Variants in TEX11 observed in about 807,000 individuals in gnomAD.
TEX11 encodes the protein testis expressed 11, also known as testis-expressed protein 11.
Under a neutral mutation model 84.4 loss-of-function variants are expected in TEX11, and 7 were observed. The ratio of observed to expected loss-of-function variants is 0.08; its 90% CI spans 0.05 to 0.16. TEX11 has a LOEUF of 0.16. TEX11 is among the 10% of genes least tolerant of loss of function. TEX11 has a pLI of 1.00. For synonymous variants in TEX11, 264 were observed against 222.8 expected (o/e 1.18, Z -1.64); for missense variants, 551 against 660.5 (o/e 0.83, Z 1.82).
chrX:70,684,422 C>T (rs780534972), intron 13 of TEX11, among the ~76,000 whole-genome samples: 5 of 111,521 alleles, frequency 4.5e-5, no homozygotes, highest in African/African-American at 1.6e-4. Context: ...CCTGTCTCTG[C>T]TAAAAATGCA....
intron 18 of TEX11, among the ~76,000 whole-genome samples, chrX:70,625,897 G>A (rs1356461000): frequency 5.5e-5 from 6 of 108,334 alleles, no homozygotes; most frequent in Admixed American, 3.0e-4. Context: ...ACAGGCACCC[G>A]CCACTACGCC....
At chrX:70,605,298 A>G in intron 24 of TEX11, 103 bp downstream of exon 24, 1 of 511,842 alleles carries the variant, frequency 2.0e-6, no homozygotes, top group East Asian at 3.7e-5. Flanking sequence ...TGGAGTGGAG[A>G]AAAGGATTCT....
At chrX:70,729,370 G>T (rs1007870831) in intron 11 of TEX11, among the ~76,000 whole-genome samples, 1 of 111,685 alleles carries the variant, frequency 9.0e-6, no homozygotes, top group Non-Finnish European at 1.9e-5. Flanking sequence ...CAAGCTAAAG[G>T]AGGAAGTTCG....
chrX:70,630,619 G>A (rs376918852), intron 17 of TEX11, among the ~76,000 whole-genome samples: 202 of 111,079 alleles, frequency 1.8e-3, no homozygotes, highest in African/African-American at 4.7e-3. Flanking sequence ...AAGAGCAAAT[G>A]GGACAAACAG....
At chrX:70,520,377 C>T in the TEX11 span, among the ~76,000 whole-genome samples, 3 of 112,452 alleles carry the variant, frequency 2.7e-5, no homozygotes, top group Non-Finnish European at 5.6e-5. Flanking sequence ...AGTCAGGTCC[C>T]TCAGCTGCAG....
At chrX:70,634,308 T>C (rs1014812454) in intron 17 of TEX11, among the ~76,000 whole-genome samples, 2 of 112,137 alleles carry the variant, frequency 1.8e-5, no homozygotes, top group Non-Finnish European at 3.8e-5. Flanking sequence ...AGCTGATCTA[T>C]AGATTCAATG....
chrX:70,820,854 C>T (rs756784646), intron 8 of TEX11, among the ~76,000 whole-genome samples: 1 of 111,505 alleles, frequency 9.0e-6, no homozygotes, highest in South Asian at 3.8e-4. Flanking sequence ...TTCTGAGGGA[C>T]AAATATCCAA....
At chrX:70,708,796 G>T (rs747692926) in intron 13 of TEX11, among the ~76,000 whole-genome samples, 2 of 110,266 alleles carry the variant, frequency 1.8e-5, no homozygotes, top group Non-Finnish European at 3.8e-5. Flanking sequence ...GACTAGTAGA[G>T]GGGGGAGAGG....
intron 21 of TEX11, among the ~76,000 whole-genome samples, chrX:70,609,559 C>A (rs1038526933): frequency 1.8e-5 from 2 of 112,184 alleles, no homozygotes; most frequent in African/African-American, 6.5e-5. Flanking sequence ...ATTTACTGAG[C>A]CAGCAAGCTC....
chrX:70,657,316 A>G (rs2089877448), intron 16 of TEX11, among the ~76,000 whole-genome samples: 1 of 111,020 alleles, frequency 9.0e-6, no homozygotes, highest in Middle Eastern at 4.6e-3. Flanking sequence ...AAACCAAACC[A>G]AAAACAAAAA....
intron 2 of TEX11, among the ~76,000 whole-genome samples, chrX:70,889,817 C>G (rs1361076107): frequency 7.2e-5 from 8 of 111,120 alleles, no homozygotes; most frequent in Non-Finnish European, 1.5e-4. Flanking sequence ...AAGCAAGAAA[C>G]TAAATCATAT....
At chrX:70,615,089 C>T (rs2089303352) in intron 20 of TEX11, among the ~76,000 whole-genome samples, 1 of 110,311 alleles carries the variant, frequency 9.1e-6, no homozygotes, top group Non-Finnish European at 1.9e-5. Context: ...TACAAATAAG[C>T]CCAGAATGCA....
intron 3 of TEX11, among the ~76,000 whole-genome samples, chrX:70,873,714 C>T (rs113992981): frequency 0.021 from 2,297 of 111,682 alleles, 44 homozygotes; most frequent in African/African-American, 0.07. Context: ...AATTATATTA[C>T]TTTGTATCAT....
chrX:70,833,372 C>T (rs2091388260), intron 8 of TEX11, 141 bp downstream of exon 8: 1 of 457,702 alleles, frequency 2.2e-6, no homozygotes, highest in Non-Finnish European at 3.7e-6. Context: ...ACAAAGGAAG[C>T]AAAATATTTC....
chrX:70,752,831 C>T (rs887504447), intron 9 of TEX11, among the ~76,000 whole-genome samples: 1 of 110,723 alleles, frequency 9.0e-6, no homozygotes, highest in Non-Finnish European at 1.9e-5. Context: ...AGTCTTGAAT[C>T]GCAGAAGCCA....
intron 16 of TEX11, among the ~76,000 whole-genome samples, chrX:70,660,480 C>T (rs1220273204): frequency 9.0e-6 from 1 of 111,582 alleles, no homozygotes; most frequent in Non-Finnish European, 1.9e-5. Flanking sequence ...ACTTTAAAAT[C>T]TTTTTTGACT....
At position 70,730,746 on chromosome X, in the gene TEX11, C is replaced by T. The variant is rs180889412; in HGVS notation, c.844-5403G>A. ...ACTGTCAACATTAGACAGATCAACACGACAGAAAGTTAACAAGGATATCCA... is the reference window on the plus strand; with the variant it reads ...ACTGTCAACATTAGACAGATCAACATGACAGAAAGTTAACAAGGATATCCA... On this transcript the variant is annotated intron_variant, in intron 11 of 29. Transcript: ENST00000374333. Among the ~76,000 whole-genome samples the T allele has an allele frequency of 6.4e-3, 708 of 111,266 alleles. 6 individuals carry two copies. Among genetic ancestry groups the T allele is most frequent in the African/African-American group, 0.02 (626 of 30,650 alleles).
intron 13 of TEX11, among the ~76,000 whole-genome samples, chrX:70,709,319 A>G (rs2090405267): frequency 9.0e-6 from 1 of 111,013 alleles, no homozygotes; most frequent in Non-Finnish European, 1.9e-5. Flanking sequence ...TTTATTTCTC[A>G]GTGGCTGATA....
intron 9 of TEX11, among the ~76,000 whole-genome samples, chrX:70,772,544 C>A (rs2090977758): frequency 9.0e-6 from 1 of 111,205 alleles, no homozygotes; most frequent in Non-Finnish European, 1.9e-5. Flanking sequence ...CACTGCACTG[C>A]AGCCTGGTGA....
Sources: allele counts gnomAD v4.1 joint callset (sites outside exome capture counted in the v4.1 genomes callset), GRCh38; gene constraint gnomAD v4.1.1; transcripts MANE v1.5; gene names NCBI Gene and HGNC (gene_info 2026-07-23, HGNC 2026-07-21).